CBL: variants seen among roughly 807,000 people sequenced by gnomAD.
CBL encodes Cbl proto-oncogene.
CBL carries 45 observed loss-of-function variants against 96.9 expected under a neutral mutation model. The observed-to-expected ratio is 0.46, with a 90% CI of 0.37 to 0.60. The LOEUF (loss-of-function observed/expected upper bound fraction) is 0.60, where lower values mean the gene tolerates loss of function less well. Ranked by LOEUF, CBL falls within the 20% of genes least tolerant of loss-of-function variation. The pLI is 0.00. For synonymous variants in CBL, 420 were observed against 426.8 expected (o/e 0.98, Z 0.20); for missense variants, 1,024 against 1,143.5 (o/e 0.90, Z 1.51).
intron 8 of CBL, 91 bp from the exon 9 acceptor site, chr11:119,278,419 T>G: frequency 6.5e-7 from 1 of 1,543,382 alleles, no homozygotes; most frequent in Non-Finnish European, 9.0e-7. Context: ...ACTTTTACTT[T>G]TTTTTGATCT....
intron 2 of CBL, among the ~76,000 whole-genome samples, chr11:119,236,864 T>G (rs1005916594): frequency 6.6e-6 from 1 of 152,128 alleles, no homozygotes; most frequent in Non-Finnish European, 1.5e-5. Context: ...CTTGGATGTT[T>G]GTATATAGTT....
intron 2 of CBL, among the ~76,000 whole-genome samples, chr11:119,234,737 A>G (rs1233770520): frequency 6.6e-6 from 1 of 152,262 alleles, no homozygotes; most frequent in East Asian, 1.9e-4. Context: ...AATTGAGACC[A>G]GCCTGGGCAA....
chr11:119,291,722 T>G (rs991892569), intron 12 of CBL, among the ~76,000 whole-genome samples: 2 of 152,202 alleles, frequency 1.3e-5, no homozygotes, highest in Non-Finnish European at 2.9e-5. Context: ...AATAAAAATA[T>G]ATATTTTTAA....
chr11:119,301,134 T>C lies in CBL; in HGVS notation c.*1353T>C, dbSNP rs1688864002. On this transcript the variant is annotated 3_prime_UTR_variant, in exon 16 of 16. Transcript: ENST00000264033. ...TGCCTGTGGCTTTGGGAATGTAACATCTCTTTCCTCCTTTCCTTCCCTTTT... is the reference window on the plus strand; with the variant it reads ...TGCCTGTGGCTTTGGGAATGTAACACCTCTTTCCTCCTTTCCTTCCCTTTT... 3 of 233,334 alleles carry C rather than the reference T, an allele frequency of 1.3e-5. No individual in the cohort carries two copies. Among genetic ancestry groups the C allele is most frequent in the Non-Finnish European group, 1.7e-5 (2 of 118,056 alleles). The allele number at this position is 233,334 out of a possible 1,614,324, so 14.5% of individuals were successfully genotyped here.
At chr11:119,295,386 C>T (rs972161471) in intron 12 of CBL, among the ~76,000 whole-genome samples, 17 of 152,000 alleles carry the variant, frequency 1.1e-4, no homozygotes, top group Admixed American at 2.0e-4. Context: ...CCATTCATTT[C>T]CCTACACCTT....
intron 1 of CBL, among the ~76,000 whole-genome samples, chr11:119,218,855 A>T (rs1286588438): frequency 6.6e-6 from 1 of 151,524 alleles, no homozygotes; most frequent in East Asian, 1.9e-4. Context: ...AAAGCTGTTA[A>T]GAAAAGAAAA....
chr11:119,240,815 G>A (rs1475749656), intron 2 of CBL, among the ~76,000 whole-genome samples: 2 of 152,164 alleles, frequency 1.3e-5, no homozygotes, highest in Non-Finnish European at 2.9e-5. Flanking sequence ...GCTCATGCCT[G>A]TAATGCCAGC....
chr11:119,254,808 G>C (rs1479059561), intron 2 of CBL, among the ~76,000 whole-genome samples: 1 of 152,054 alleles, frequency 6.6e-6, no homozygotes, highest in Non-Finnish European at 1.5e-5. Flanking sequence ...TGCCATGTTG[G>C]CCAGGCTGGT....
intron 2 of CBL, among the ~76,000 whole-genome samples, chr11:119,254,071 G>C (rs1014080915): frequency 6.6e-6 from 1 of 151,322 alleles, no homozygotes; most frequent in African/African-American, 2.4e-5. Flanking sequence ...AAAGTCAGCT[G>C]GTCTTGGTGC....
At chr11:119,215,014 A>G (rs910715940) in intron 1 of CBL, among the ~76,000 whole-genome samples, 26 of 150,490 alleles carry the variant, frequency 1.7e-4, no homozygotes, top group South Asian at 1.2e-3. Flanking sequence ...TTTTATGCCT[A>G]TGAAAAGCTC....
chr11:119,299,816 G>A lies in CBL; in HGVS notation c.*35G>A. 2 of 1,608,584 alleles carry A rather than the reference G, an allele frequency of 1.2e-6. No individual in the cohort carries two copies. The highest frequency in any genetic ancestry group is 1.7e-5 in the Admixed American group (1 of 60,020). ...TCCCTGCTGCAGGTTTAGAGGACCA[G>A]TGAGTTGGGAGTTATTACTCAAGTG... On this transcript the variant is annotated 3_prime_UTR_variant, in exon 16 of 16. Coordinates refer to ENST00000264033, the MANE Select transcript of CBL (RefSeq NM_005188.4).
At chr11:119,209,437 G>A (rs1949299799) in intron 1 of CBL, among the ~76,000 whole-genome samples, 1 of 152,128 alleles carries the variant, frequency 6.6e-6, no homozygotes, top group African/African-American at 2.4e-5. Context: ...TGCCAACATG[G>A]TGAAATGCTG....
At chr11:119,257,878 C>T (rs886373297) in intron 2 of CBL, among the ~76,000 whole-genome samples, 2 of 152,072 alleles carry the variant, frequency 1.3e-5, no homozygotes, top group African/African-American at 4.8e-5. Context: ...GGCTTTATTT[C>T]TGGTTTCTCT....
At position 119,287,829 on chromosome 11, in the gene CBL, C is replaced by T. The variant is rs200647693; in HGVS notation, c.1942-23C>T. The stretch of plus-strand genomic sequence containing the variant: ...CAGCTGTGGTAAGAAAGTTGTTTTT[C>T]AACACTTTTCTTTACTTTCCAGAGT... On this transcript the variant is annotated intron_variant, in intron 11 of 15. Coordinates refer to ENST00000264033, the MANE Select transcript of CBL (RefSeq NM_005188.4). The T allele has an allele frequency of 3.7e-4, 567 of 1,512,106 alleles. 1 individual carries two copies. Among genetic ancestry groups the T allele is most frequent in the Non-Finnish European group, 4.8e-4 (526 of 1,086,820 alleles). The allele number at this position is 1,512,106 out of a possible 1,614,324, so 93.7% of individuals were successfully genotyped here. A position where few individuals can be genotyped will look rare whatever the true frequency, so the allele number is the denominator to read the frequency against.
intron 2 of CBL, among the ~76,000 whole-genome samples, chr11:119,249,730 C>G (rs1949657772): frequency 6.6e-6 from 1 of 151,252 alleles, no homozygotes. Flanking sequence ...TCATGACTCA[C>G]TGCAGTCTCA....
At chr11:119,258,121 G>A (rs1292030204) in intron 2 of CBL, among the ~76,000 whole-genome samples, 2 of 152,056 alleles carry the variant, frequency 1.3e-5, no homozygotes, top group Non-Finnish European at 1.5e-5. Flanking sequence ...CCAGCTACTC[G>A]GGAGGCTGAG....
intron 2 of CBL, among the ~76,000 whole-genome samples, chr11:119,234,180 T>C (rs1051993824): frequency 6.6e-5 from 10 of 152,184 alleles, no homozygotes; most frequent in Non-Finnish European, 1.5e-5. Context: ...CTAATTTTTG[T>C]ATTTTTAGTA....
rs1949904868 is a variant in CBL, at chr11:119,278,236, A to C, written c.1166A>C (p.Lys389Thr). 1 of 1,613,102 alleles carries C rather than the reference A, an allele frequency of 6.2e-7. No individual in the cohort carries two copies. Among genetic ancestry groups the C allele is most frequent in the Non-Finnish European group, 8.5e-7 (1 of 1,179,050 alleles). The change falls in exon 8 of 16, where the codon AAG (lysine) becomes ACG (threonine). Residue 389 changes from lysine to threonine, a missense_variant. Around this residue, in one of 4 missense-constraint regions of CBL, gnomAD observed 695 missense variants for 661.6 expected, o/e 1.05. Coordinates refer to ENST00000264033, the MANE Select transcript of CBL (RefSeq NM_005188.4). ...TGTAAAATATGTGCTGAAAATGATAAGGATGTAAAGATTGAGCCCTGTGGA... is the reference window on the plus strand; with the variant it reads ...TGTAAAATATGTGCTGAAAATGATACGGATGTAAAGATTGAGCCCTGTGGA... ...QLCKICAEND[K>T]DVKIEPCGHL...
At chr11:119,255,733 A>G (rs1949706302) in intron 2 of CBL, among the ~76,000 whole-genome samples, 1 of 152,152 alleles carries the variant, frequency 6.6e-6, no homozygotes, top group South Asian at 2.1e-4. Context: ...TTTGCAGGGT[A>G]CATTTAGCAA....
Sources: gnomAD v4.1 joint callset for allele counts (sites outside exome capture counted in the v4.1 genomes callset) on GRCh38, gnomAD v4.1.1 for gene constraint, gnomAD v4.1.1 regional missense constraint, MANE v1.5 for transcripts, NCBI Gene and HGNC (gene_info 2026-07-23, HGNC 2026-07-21) for gene names.